Variants in MALRD1 observed in about 807,000 individuals in gnomAD.
MALRD1 encodes the protein MAM and LDL receptor class A domain containing 1.
A neutral mutation model predicts 242.1 loss-of-function variants in MALRD1; 247 were observed. That is an observed-to-expected ratio of 1.02 (90% CI 0.92 to 1.13). MALRD1 has a LOEUF of 1.13. MALRD1 is among the 50% of genes most tolerant of loss of function. The pLI is 0.00. For synonymous variants in MALRD1, 995 were observed against 866.6 expected, an observed-to-expected ratio of 1.15 and a Z score of -2.60; for missense variants, 2,989 against 2,533.1, an observed-to-expected ratio of 1.18 and a Z score of -3.86.
chr10:19,683,750 A>T (rs1842466411), intron 36 of MALRD1, among the ~76,000 whole-genome samples: 6 of 152,172 alleles, frequency 3.9e-5, no homozygotes, highest in Admixed American at 3.9e-4. Context: ...ATGATTTTTT[A>T]TACATTCTTT....
intron 20 of MALRD1, among the ~76,000 whole-genome samples, 191 bp from the exon 21 acceptor site, chr10:19,282,828 T>C (rs966357180): frequency 2.6e-5 from 4 of 152,140 alleles, no homozygotes; most frequent in African/African-American, 7.2e-5. Flanking sequence ...CCTATAAATA[T>C]TTGACTAGAA....
intron 36 of MALRD1, among the ~76,000 whole-genome samples, chr10:19,680,552 T>C (rs1474664973): frequency 1.3e-5 from 2 of 152,122 alleles, no homozygotes; most frequent in Non-Finnish European, 2.9e-5. Context: ...GATGGATCTC[T>C]TGAATGCAGC....
intron 32 of MALRD1, among the ~76,000 whole-genome samples, chr10:19,533,915 C>G (rs1465011553): frequency 6.6e-6 from 1 of 152,218 alleles, no homozygotes; most frequent in Non-Finnish European, 1.5e-5. Context: ...ATAGGGTCCT[C>G]TAAGCATTTA....
At chr10:19,105,444 T>C (rs190047870) in intron 5 of MALRD1, among the ~76,000 whole-genome samples, 2 of 152,170 alleles carry the variant, frequency 1.3e-5, no homozygotes, top group Admixed American at 1.3e-4. Context: ...ATTTCATATC[T>C]TGGCTATTGT....
intron 31 of MALRD1, among the ~76,000 whole-genome samples, chr10:19,525,083 T>G (rs1424233191): frequency 6.6e-6 from 1 of 151,570 alleles, no homozygotes; most frequent in Non-Finnish European, 1.5e-5. Context: ...TTTTTTTTTT[T>G]TTTGTATTTT....
In MALRD1 at chr10:19,157,672, A is replaced by G. The variant is rs1588626870; in HGVS notation, c.1656+2500A>G. Among the ~76,000 whole-genome samples the G allele has an allele frequency of 2.6e-5, 4 of 152,284 alleles. No homozygotes were observed. The South Asian group carries it at 8.3e-4, about 32-fold the overall frequency. On this transcript the variant is annotated intron_variant, in intron 12 of 39. Coordinates refer to ENST00000454679, the MANE Select transcript of MALRD1 (RefSeq NM_001142308.3). ...TTGATAATAGTGCTTTCATGGAACC[A>G]ATGTTCTTCATTATAAGGTAGTAGA...
intron 24 of MALRD1, among the ~76,000 whole-genome samples, chr10:19,333,539 A>T (rs542998917): frequency 6.6e-6 from 1 of 152,020 alleles, no homozygotes; most frequent in Admixed American, 6.6e-5. Context: ...TCTTTATTCA[A>T]TCCACCATTG....
intron 29 of MALRD1, among the ~76,000 whole-genome samples, chr10:19,459,209 A>C (rs561815703): frequency 1.2e-3 from 186 of 152,274 alleles, no homozygotes; most frequent in Non-Finnish European, 2.4e-3. Flanking sequence ...AAGTATACTT[A>C]CCTTCAGATT....
intron 2 of MALRD1, among the ~76,000 whole-genome samples, chr10:19,083,625 C>A (rs779209549): frequency 4.0e-5 from 6 of 151,788 alleles, no homozygotes; most frequent in African/African-American, 9.7e-5. Context: ...TTCAGAGAAC[C>A]AAAAGACAGG....
chr10:19,450,189 G>A (rs1022959242), intron 28 of MALRD1, 118 bp from the exon 29 acceptor site: 1 of 882,526 alleles, frequency 1.1e-6, no homozygotes, highest in African/African-American at 1.7e-5. Flanking sequence ...GTGCTTCTTT[G>A]TTTTTTCAGT....
intron 33 of MALRD1, among the ~76,000 whole-genome samples, chr10:19,591,437 A>G (rs777146851): frequency 3.6e-4 from 54 of 151,722 alleles, no homozygotes; most frequent in South Asian, 4.2e-4. Context: ...ATCCATTAAC[A>G]TTAACTTTCT....
chr10:19,228,512 A>T (rs1588729148), intron 18 of MALRD1, among the ~76,000 whole-genome samples: 1 of 152,216 alleles, frequency 6.6e-6, no homozygotes, highest in Admixed American at 6.5e-5. Context: ...TAAATTGCAC[A>T]TTTAAAAGGG....
intron 36 of MALRD1, among the ~76,000 whole-genome samples, chr10:19,650,660 G>A (rs945916965): frequency 2.6e-5 from 4 of 152,152 alleles, no homozygotes; most frequent in African/African-American, 9.7e-5. Context: ...TGTAAAGTAG[G>A]AGATAGGGAG....
At chr10:19,231,448 T>C (rs1389937142) in intron 18 of MALRD1, among the ~76,000 whole-genome samples, 4 of 152,196 alleles carry the variant, frequency 2.6e-5, no homozygotes, top group African/African-American at 9.7e-5. Context: ...TTGATGTGAT[T>C]CGGCTGTGTC....
At chr10:19,612,077 G>C (rs1838925855) in intron 35 of MALRD1, among the ~76,000 whole-genome samples, 1 of 151,930 alleles carries the variant, frequency 6.6e-6, no homozygotes, top group Admixed American at 6.6e-5. Flanking sequence ...CTGATACTCT[G>C]CAGTCTCAGA....
chr10:19,187,341 G>C (rs1362859007), intron 14 of MALRD1, among the ~76,000 whole-genome samples: 1 of 152,110 alleles, frequency 6.6e-6, no homozygotes, highest in African/African-American at 2.4e-5. Context: ...GAAGGCAAGG[G>C]AGCTTTGCAA....
rs1834328087 is a variant in MALRD1, at chr10:19,530,404, TA to T, written c.5321-789del. 1.0e-4 allele frequency among the ~76,000 whole-genome samples: 2 copies of T among 19,280 alleles called. 1 individual carries two copies. The highest frequency in any genetic ancestry group is 2.1e-4 in the Non-Finnish European group (2 of 9,336). 12.6% of individuals were successfully genotyped at this position (19,280 alleles called of 152,430 possible). On this transcript the variant is annotated intron_variant, in intron 31 of 39. Transcript: ENST00000454679. ...ATATTATATATTTATATAAATATTA[TA>T]TATTTATATAATAATAAATATATAA...
At chr10:19,707,336 C>A (rs529019863) in intron 38 of MALRD1, among the ~76,000 whole-genome samples, 17 of 152,240 alleles carry the variant, frequency 1.1e-4, no homozygotes, top group Middle Eastern at 3.4e-3. Flanking sequence ...TCTGACCACA[C>A]CTTCGTAAAT....
chr10:19,136,790 G>T lies in MALRD1; in HGVS notation c.1411+9G>T. 1 of 1,229,102 alleles carries T rather than the reference G, an allele frequency of 8.1e-7. No individual in the cohort carries two copies. The highest frequency in any genetic ancestry group is 1.0e-6 in the Non-Finnish European group (1 of 985,600). 76.1% of individuals were successfully genotyped at this position (1,229,102 alleles called of 1,614,324 possible). A position where few individuals can be genotyped will look rare whatever the true frequency, so the allele number is the denominator to read the frequency against. On this transcript the variant is annotated intron_variant, in intron 10 of 39. Coordinates refer to ENST00000454679, the MANE Select transcript of MALRD1 (RefSeq NM_001142308.3). ...AGACCCAGCAACTTGCTGTAAGTGAGTGAATGGCTTACTAGTTTACATGCT... is the reference window on the plus strand; with the variant it reads ...AGACCCAGCAACTTGCTGTAAGTGATTGAATGGCTTACTAGTTTACATGCT...
Sources: gnomAD v4.1 joint callset for allele counts (sites outside exome capture counted in the v4.1 genomes callset) on GRCh38, gnomAD v4.1.1 for gene constraint, MANE v1.5 for transcripts, NCBI Gene and HGNC (gene_info 2026-07-23, HGNC 2026-07-21) for gene names.